ATP2B4: variants seen among roughly 807,000 people sequenced by gnomAD.
ATP2B4 encodes the protein plasma membrane calcium-transporting ATPase 4.
Under a neutral mutation model 110.3 loss-of-function variants are expected in ATP2B4, and 39 were observed. That is an observed-to-expected ratio of 0.35 (90% CI 0.27 to 0.46). The LOEUF (loss-of-function observed/expected upper bound fraction) is 0.46, where lower values mean the gene tolerates loss of function less well. Among genes scored for constraint, ATP2B4 ranks in the 20% least tolerant of loss-of-function variants. The probability of loss-of-function intolerance (pLI) is 1.00; values close to 1 mark genes in which losing one functional copy is unlikely to be tolerated. For synonymous variants in ATP2B4, 538 were observed against 571.7 expected (o/e 0.94, Z 0.84); for missense variants, 1,135 against 1,530.9 (o/e 0.74, Z 4.32).
chr1:203,640,524 C>T (rs949439390), intron 1 of ATP2B4, among the ~76,000 whole-genome samples: 2 of 151,988 alleles, frequency 1.3e-5, no homozygotes, highest in African/African-American at 4.8e-5. Context: ...GGGGTTTCGC[C>T]ATGTTGCCCA....
At chr1:203,659,893 C>T (rs993194312) in intron 1 of ATP2B4, among the ~76,000 whole-genome samples, 1 of 151,866 alleles carries the variant, frequency 6.6e-6, no homozygotes. Context: ...ATCAGCCTGG[C>T]CAAAATGGTG....
At chr1:203,714,029 T>TA in intron 14 of ATP2B4, 142 bp from the exon 15 acceptor site, 1 of 737,422 alleles carries the variant, frequency 1.4e-6, no homozygotes, top group East Asian at 2.7e-5. Context: ...TGAAACAACT[T>TA]ACTGCCCTTA....
At chr1:203,663,598 GCTCT>G (rs899624081) in intron 1 of ATP2B4, among the ~76,000 whole-genome samples, 2 of 151,268 alleles carry the variant, frequency 1.3e-5, no homozygotes, top group African/African-American at 2.4e-5. Flanking sequence ...TCTACAGGCT[GCTCT>G]CTCTCTCTCT....
At chr1:203,641,090 G>A (rs1571670117) in intron 1 of ATP2B4, among the ~76,000 whole-genome samples, 1 of 152,318 alleles carries the variant, frequency 6.6e-6, no homozygotes, top group East Asian at 1.9e-4. Context: ...TGTGGGAAGT[G>A]TAGCCCCTCT....
chr1:203,719,574 G>A lies in ATP2B4; in HGVS notation c.2407-975G>A, dbSNP rs144873063. ...AAAAATACAAAATTAGCCCGTCATGGTGGTGCGTCCCTGTAATCCCAGCCA... is the reference window on the plus strand; with the variant it reads ...AAAAATACAAAATTAGCCCGTCATGATGGTGCGTCCCTGTAATCCCAGCCA... On this transcript the variant is annotated intron_variant, in intron 15 of 20. Coordinates refer to ENST00000357681, the MANE Select transcript of ATP2B4 (RefSeq NM_001684.5). 2.2e-3 allele frequency among the ~76,000 whole-genome samples: 340 copies of A among 151,722 alleles called. 1 individual carries two copies. Among genetic ancestry groups the A allele is most frequent in the Admixed American group, 3.7e-3 (57 of 15,236 alleles).
chr1:203,651,834 G>T (rs1434732595), intron 1 of ATP2B4, among the ~76,000 whole-genome samples: 1 of 151,892 alleles, frequency 6.6e-6, no homozygotes. Context: ...GAGGCAGGGG[G>T]ATCACCTGAG....
intron 11 of ATP2B4, among the ~76,000 whole-genome samples, chr1:203,709,864 A>G (rs771803505): frequency 6.6e-6 from 1 of 152,222 alleles, no homozygotes; most frequent in Admixed American, 6.5e-5. Context: ...TCAGACCTGG[A>G]CGATCCTAAG....
chr1:203,658,496 A>G (rs907676668), intron 1 of ATP2B4, among the ~76,000 whole-genome samples: 2 of 151,790 alleles, frequency 1.3e-5, no homozygotes, highest in Non-Finnish European at 2.9e-5. Context: ...GCGCCACTGC[A>G]CTCCACCCTG....
At chr1:203,639,160 GCTGA>G (rs1161217080) in intron 1 of ATP2B4, among the ~76,000 whole-genome samples, 2 of 152,204 alleles carry the variant, frequency 1.3e-5, no homozygotes, top group African/African-American at 2.4e-5. Flanking sequence ...TTCCTTAGCA[GCTGA>G]CTAAGTCAGG....
rs532105762 is a variant in ATP2B4 at position 203,733,742 on chromosome 1, G to A, written c.3310-5804G>A. ...TCTGTTTGTTGCTTTGCTGGGATAT[G>A]TTGTTGTTCCTCTCTTCTCCTCCTG... On this transcript the variant is annotated intron_variant, in intron 20 of 20. Coordinates refer to ENST00000357681, the MANE Select transcript of ATP2B4 (RefSeq NM_001684.5). 3.1e-4 allele frequency: 72 copies of A among 229,292 alleles called. 1 individual carries two copies. Among genetic ancestry groups the A allele is most frequent in the African/African-American group, 1.6e-3 (71 of 43,724 alleles). The allele number at this position is 229,292 out of a possible 1,614,324, so 14.2% of individuals were successfully genotyped here.
intron 1 of ATP2B4, among the ~76,000 whole-genome samples, chr1:203,667,312 A>G (rs1056646840): frequency 6.6e-6 from 1 of 152,210 alleles, no homozygotes; most frequent in Non-Finnish European, 1.5e-5. Context: ...AGAAAGTTTC[A>G]AACAAAGCAA....
chr1:203,721,229 G>C lies in ATP2B4; in HGVS notation c.2631G>C (p.Trp877Cys), dbSNP rs370927585. The C allele has an allele frequency of 3.7e-6, 6 of 1,614,062 alleles. No individual in the cohort carries two copies. The African/African-American group carries it at 8.0e-5, about 22-fold the overall frequency. ...CATTGAAAGCTGTGCAGATGTTGTG[G>C]GTTAATCTGATCATGGACACTTTTG... The part of the protein sequence containing the change: ...DSPLKAVQML[W>C]VNLIMDTFAS... The change falls in exon 17 of 21, where the codon TGG becomes TGC. Residue 877 changes from tryptophan to cysteine, a missense_variant. By Grantham distance (215) the Trp-to-Cys change is radical. This residue lies in a region of ATP2B4 where 70 missense variants were observed against 142.4 expected (regional missense o/e 0.49). Transcript: ENST00000357681.
chr1:203,631,012 T>C (rs1390428001), intron 1 of ATP2B4, among the ~76,000 whole-genome samples: 3 of 152,258 alleles, frequency 2.0e-5, no homozygotes, highest in Non-Finnish European at 2.9e-5. Flanking sequence ...ATTTCCTCTG[T>C]ACATGTTAAA....
At position 203,722,057 on chromosome 1, in the gene ATP2B4, G is replaced by A. The variant is rs772549978; in HGVS notation, c.2813-421G>A. On this transcript the variant is annotated intron_variant, in intron 17 of 20. Transcript: ENST00000357681. ...AAACCTATGATTGCCTGACTCCAGC[G>A]CACATAGTCTTACTACCATGCTGCA... 1.4e-4 allele frequency among the ~76,000 whole-genome samples: 21 copies of A among 152,204 alleles called. No homozygotes were observed. The East Asian group carries it at 3.1e-3, about 22-fold the overall frequency.
Position 203,707,177 on chromosome 1 carries a change from A to G in ATP2B4, c.1268A>G (p.Glu423Gly). ...ACTGTACTGGTGGTGGCTGTGCCAGAGGGGCTGCCTCTGGCTGTCACCATC... is the reference window on the plus strand; with the variant it reads ...ACTGTACTGGTGGTGGCTGTGCCAGGGGGGCTGCCTCTGGCTGTCACCATC... Reference protein sequence around the residue: ...GITVLVVAVPEGLPLAVTISL... With the variant: ...GITVLVVAVPGGLPLAVTISL... The change falls in exon 9 of 21, where the codon GAG (glutamate) becomes GGG (glycine). Residue 423 changes from glutamate to glycine, a missense_variant. By Grantham distance (98) the Glu-to-Gly change is moderately conservative (BLOSUM62 -2). Coordinates refer to ENST00000357681, the MANE Select transcript of ATP2B4 (RefSeq NM_001684.5). 1 of 1,614,110 alleles carries G rather than the reference A, an allele frequency of 6.2e-7. No individual in the cohort carries two copies. The highest frequency in any genetic ancestry group is 8.5e-7 in the Non-Finnish European group (1 of 1,180,018).
intron 1 of ATP2B4, among the ~76,000 whole-genome samples, chr1:203,648,657 A>G (rs1663885999): frequency 6.6e-6 from 1 of 152,334 alleles, no homozygotes; most frequent in Middle Eastern, 3.4e-3. Flanking sequence ...GGGTTCACCC[A>G]TGAGCTGGTA....
intron 1 of ATP2B4, chr1:203,657,802 G>A (rs955625838): frequency 1.1e-5 from 6 of 560,442 alleles, no homozygotes; most frequent in Non-Finnish European, 1.9e-5. Flanking sequence ...CCTGAGGTGC[G>A]AAAACACTCT....
intron 2 of ATP2B4, among the ~76,000 whole-genome samples, chr1:203,686,614 A>AGTTTTCTC (rs1285008571): frequency 7.4e-4 from 32 of 43,426 alleles, no homozygotes; most frequent in African/African-American, 1.5e-3. Flanking sequence ...ACACTGGCAC[A>AGTTTTCTC]ATTTTCTACT....
At chr1:203,677,675 GC>G (rs1664868516) in intron 1 of ATP2B4, among the ~76,000 whole-genome samples, 2 of 152,286 alleles carry the variant, frequency 1.3e-5, no homozygotes, top group South Asian at 4.1e-4. Context: ...TGTTGGCCAG[GC>G]TAGTCTCAAA....
Sources: allele counts gnomAD v4.1 joint callset (sites outside exome capture counted in the v4.1 genomes callset), GRCh38; gene constraint gnomAD v4.1.1; regional missense constraint gnomAD v4.1.1; transcripts MANE v1.5; gene names NCBI Gene and HGNC (gene_info 2026-07-23, HGNC 2026-07-21).